The following TENM3 variants were observed in gnomAD, a reference collection of about 807,000 sequenced individuals.
The protein encoded by TENM3 is teneurin transmembrane protein 3.
TENM3 carries 63 observed loss-of-function variants against 255.1 expected under a neutral mutation model. The ratio of observed to expected loss-of-function variants is 0.25; its 90% CI spans 0.20 to 0.30. The LOEUF is 0.30. Ranked by LOEUF, TENM3 falls within the 10% of genes least tolerant of loss-of-function variation. The pLI is 1.00. For synonymous variants in TENM3, 1,306 were observed against 1,322.3 expected (o/e 0.99, Z 0.27); for missense variants, 2,929 against 3,461.1 (o/e 0.85, Z 3.86).
At chr4:182,107,124 C>G in the TENM3 span, among the ~76,000 whole-genome samples, 2 of 150,216 alleles carry the variant, frequency 1.3e-5, no homozygotes, top group African/African-American at 4.9e-5. Context: ...CTGGTTAGTA[C>G]TTGCCTGAGT....
the TENM3 span, among the ~76,000 whole-genome samples, chr4:181,472,947 C>T: frequency 2.2e-4 from 33 of 152,176 alleles, no homozygotes; most frequent in African/African-American, 6.5e-4. Context: ...GTGCAAACTC[C>T]GGTCATAAAA....
At chr4:182,125,369 T>G in the TENM3 span, among the ~76,000 whole-genome samples, 1 of 152,230 alleles carries the variant, frequency 6.6e-6, no homozygotes, top group Non-Finnish European at 1.5e-5. Flanking sequence ...GCAATGCAGA[T>G]CTGCCAAAGA....
At chr4:181,883,767 G>A in the TENM3 span, among the ~76,000 whole-genome samples, 14 of 152,228 alleles carry the variant, frequency 9.2e-5, no homozygotes, top group East Asian at 9.7e-4. Flanking sequence ...GTGAGCCACC[G>A]CAATATACAA....
chr4:181,707,564 T>C, the TENM3 span, among the ~76,000 whole-genome samples: 1 of 152,304 alleles, frequency 6.6e-6, no homozygotes, highest in Admixed American at 6.5e-5. Flanking sequence ...AGAGTGGTTA[T>C]GAAAATTTTG....
chr4:182,455,144 G>A (rs972527524), intron 3 of TENM3, among the ~76,000 whole-genome samples: 4 of 152,116 alleles, frequency 2.6e-5, no homozygotes, highest in Admixed American at 1.3e-4. Flanking sequence ...AAAATAGTTC[G>A]TTCAGGAGAG....
the TENM3 span, among the ~76,000 whole-genome samples, chr4:181,546,752 C>T: frequency 2.9e-4 from 44 of 151,342 alleles, 3 homozygotes. Flanking sequence ...GAAATGGCAC[C>T]TGAGTCATGT....
At chr4:181,934,328 A>G in the TENM3 span, among the ~76,000 whole-genome samples, 1 of 152,212 alleles carries the variant, frequency 6.6e-6, no homozygotes, top group South Asian at 2.1e-4. Context: ...TTTAAACTGA[A>G]GTAATTGCTT....
At chr4:182,272,441 C>T (rs976300571) in intron 1 of TENM3, among the ~76,000 whole-genome samples, 7 of 152,084 alleles carry the variant, frequency 4.6e-5, no homozygotes, top group South Asian at 2.1e-4. Flanking sequence ...TGAAATGAGA[C>T]GAGAGCAAAT....
chr4:182,611,818 T>C (rs1444724911), intron 4 of TENM3, among the ~76,000 whole-genome samples: 1 of 152,218 alleles, frequency 6.6e-6, no homozygotes, highest in Non-Finnish European at 1.5e-5. Context: ...TTTTCAAAAA[T>C]ATATTCTTGA....
At chr4:182,568,781 A>T (rs1052276645) in intron 3 of TENM3, among the ~76,000 whole-genome samples, 1 of 152,216 alleles carries the variant, frequency 6.6e-6, no homozygotes, top group Admixed American at 6.5e-5. Flanking sequence ...CATTCAATGG[A>T]ATAATATTAA....
chr4:182,360,947 T>C (rs1765930071), intron 3 of TENM3, among the ~76,000 whole-genome samples: 1 of 152,214 alleles, frequency 6.6e-6, no homozygotes, highest in Non-Finnish European at 1.5e-5. Context: ...CATTTGCTTG[T>C]CTGTAAAGTA....
At chr4:182,570,133 G>A (rs1318760403) in intron 3 of TENM3, among the ~76,000 whole-genome samples, 2 of 152,152 alleles carry the variant, frequency 1.3e-5, no homozygotes, top group African/African-American at 4.8e-5. Context: ...TGAATGCCTG[G>A]ACTCAGACAA....
At chr4:181,638,464 A>G in the TENM3 span, among the ~76,000 whole-genome samples, 1 of 152,182 alleles carries the variant, frequency 6.6e-6, no homozygotes, top group Admixed American at 6.5e-5. Context: ...ATTAATGTCA[A>G]CTTTTCCATG....
the TENM3 span, among the ~76,000 whole-genome samples, chr4:181,651,673 G>A: frequency 2.0e-5 from 3 of 152,150 alleles, no homozygotes; most frequent in East Asian, 5.8e-4. Context: ...GGTGTGAGTA[G>A]ACAGAAAAAA....
chr4:182,712,724 C>G (rs185033682), intron 12 of TENM3, among the ~76,000 whole-genome samples: 90 of 152,322 alleles, frequency 5.9e-4, no homozygotes, highest in Admixed American at 2.6e-3. Context: ...TCTTCTAACA[C>G]AGACTTAAAC....
the TENM3 span, among the ~76,000 whole-genome samples, chr4:181,699,916 G>A: frequency 4.6e-5 from 7 of 152,178 alleles, no homozygotes. Context: ...TTTCTTTTAA[G>A]AGAAAGATAA....
At chr4:182,206,037 A>C (rs1009524026) in intron 1 of TENM3, among the ~76,000 whole-genome samples, 5 of 143,944 alleles carry the variant, frequency 3.5e-5, no homozygotes. Flanking sequence ...CACCGAAAGA[A>C]GAAATCTGTA....
the TENM3 span, among the ~76,000 whole-genome samples, chr4:182,110,674 G>A: frequency 6.6e-6 from 1 of 152,106 alleles, no homozygotes; most frequent in Non-Finnish European, 1.5e-5. Context: ...TAAGGAATGG[G>A]GTTGTCAATA....
chr4:181,580,259 A>T, the TENM3 span, among the ~76,000 whole-genome samples: 3 of 152,018 alleles, frequency 2.0e-5, no homozygotes, highest in Non-Finnish European at 2.9e-5. Flanking sequence ...CGGCCTCCCA[A>T]CATTCTGGGA....
Sources: allele counts gnomAD v4.1 joint callset (sites outside exome capture counted in the v4.1 genomes callset), GRCh38; gene constraint gnomAD v4.1.1; transcripts MANE v1.5; gene names NCBI Gene and HGNC (gene_info 2026-07-23, HGNC 2026-07-21).